The following UBN1 variants were observed in gnomAD, a reference collection of about 807,000 sequenced individuals.
The protein encoded by UBN1 is ubinuclein 1.
Under a neutral mutation model 108.5 loss-of-function variants are expected in UBN1, and 17 were observed. The ratio of observed to expected loss-of-function variants is 0.16; its 90% confidence interval spans 0.11 to 0.24. UBN1 has a LOEUF of 0.24. Ranked by LOEUF, UBN1 falls within the 10% of genes least tolerant of loss-of-function variation. The pLI, the probability that UBN1 is intolerant of heterozygous loss-of-function variation, is 1.00. For missense variants in UBN1, 1,595 were observed against 1,394.4 expected (o/e 1.14, Z -2.29); for synonymous variants, 726 against 564.2 (o/e 1.29, Z -4.07).
Position 4,874,766 on chromosome 16 carries a change from T to A in UBN1, c.2356T>A (p.Leu786Met), listed in dbSNP as rs765004815. Residue 786 changes from leucine to methionine, a missense_variant, in exon 15 of 18, where the codon TTG (leucine) becomes ATG (methionine). Physicochemically the swap from Leu to Met is conservative, Grantham distance 15. Coordinates refer to ENST00000262376, the MANE Select transcript of UBN1 (RefSeq NM_001079514.3). ...VHQSKAKHHSLPRTSHGPQVA... is the reference protein window; with the variant it reads ...VHQSKAKHHSMPRTSHGPQVA... ...TCAGTCCAAAGCTAAGCACCACAGC[T>A]TGCCACGGACGTCTCACGGGCCCCA... is the stretch of plus-strand genomic sequence containing the variant. 4.7e-5 allele frequency: 76 copies of A among 1,613,962 alleles called. No individual in the cohort carries two copies. The Middle Eastern group carries it at 6.6e-4, about 14-fold the overall frequency.
rs765392941 is a variant in UBN1, at chr16:4,874,302, G to T, written c.1892G>T (p.Gly631Val). Residue 631 changes from glycine (G) to valine (V), a missense_variant, in exon 15 of 18, where the codon GGC (glycine) becomes GTC (valine). Coordinates refer to ENST00000262376, the MANE Select transcript of UBN1 (RefSeq NM_001079514.3). ...TTGCCCTCAGATCACCAAACAGGAG[G>T]CCTGAGTATTGGGGCCTCGAGCAGG... ...IALPSDHQTG[G>V]LSIGASSREL... 6.2e-6 allele frequency: 10 copies of T among 1,614,008 alleles called. No individual in the cohort carries two copies. In the African/African-American group the frequency reaches 1.3e-4, roughly 22 times the overall value.
Position 4,868,975 on chromosome 16 carries a change from G to A in UBN1, c.1181+72G>A, listed in dbSNP as rs1010752759. 12 of 1,525,496 alleles carry A rather than the reference G, an allele frequency of 7.9e-6. No individual in the cohort carries two copies. In the South Asian group the frequency reaches 1.4e-4, roughly 18 times the overall value. 94.5% of individuals were successfully genotyped at this position (1,525,496 alleles called of 1,614,324 possible). Reference sequence around the variant, plus strand: ...CTGAGCTTGGGGCAAGCCAGCTAGGGGACAGTGGGAGTACAATTGAACTGC... The same window carrying A: ...CTGAGCTTGGGGCAAGCCAGCTAGGAGACAGTGGGAGTACAATTGAACTGC... On this transcript the variant is annotated intron_variant, in intron 8 of 17. Transcript: ENST00000262376.
chr16:4,871,088 A>T, intron 11 of UBN1, 67 bp from the exon 12 acceptor site: 2 of 1,606,222 alleles, frequency 1.2e-6, no homozygotes, highest in Non-Finnish European at 1.7e-6. Flanking sequence ...TGCTGAAAGC[A>T]CATGATTGGA....
At chr16:4,849,957 A>AAAAAAAAAC (rs1555509978) in intron 1 of UBN1, among the ~76,000 whole-genome samples, 1 of 147,388 alleles carries the variant, frequency 6.8e-6, no homozygotes, top group Non-Finnish European at 1.5e-5. Context: ...CACAAAAAAA[A>AAAAAAAAAC]AAAAAAAAAC....
chr16:4,872,888 C>T lies in UBN1; in HGVS notation c.1711C>T (p.Leu571=), dbSNP rs1596520579. ...WPKGWMQART[L]FKESRRGHGH... is the part of the protein sequence containing the mutation. ...CTGGTGTTCTGTGTCTTTCAGAACT[C>T]TGTTTAAGGAGAGCAGACGAGGCCA... Residue 571 remains leucine (L), a synonymous_variant, in exon 13 of 18, where the codon CTG becomes TTG. Coordinates refer to ENST00000262376, the MANE Select transcript of UBN1 (RefSeq NM_001079514.3). 1.9e-6 allele frequency: 3 copies of T among 1,614,218 alleles called. No homozygotes were observed. The highest frequency in any genetic ancestry group is 4.5e-5 in the East Asian group (2 of 44,890).
At position 4,880,708 on chromosome 16, in the gene UBN1, G is replaced by A. The variant is rs975051088; in HGVS notation, c.*576G>A. 5 of 152,802 alleles carry A rather than the reference G, an allele frequency of 3.3e-5. No homozygotes were observed. The highest frequency in any genetic ancestry group is 1.2e-4 in the African/African-American group (5 of 41,446). 9.5% of individuals were successfully genotyped at this position (152,802 alleles called of 1,614,324 possible). On this transcript the variant is annotated 3_prime_UTR_variant, in exon 18 of 18. Transcript: ENST00000262376. ...TCACTGTGGGGGCCAGTTTCTCCTC[G>A]GAACATGACAATGAAGCTCTTTTAG...
chr16:4,868,057 G>A (rs2087424081), intron 7 of UBN1, among the ~76,000 whole-genome samples: 1 of 152,146 alleles, frequency 6.6e-6, no homozygotes, highest in South Asian at 2.1e-4. Context: ...GATTTGAATG[G>A]CCTGAGTTGC....
At chr16:4,871,025 G>T in intron 11 of UBN1, 53 bp downstream of exon 11, 1 of 1,609,662 alleles carries the variant, frequency 6.2e-7, no homozygotes, top group South Asian at 1.1e-5. Context: ...GGCAGTGTCT[G>T]AGCACGTCCC....
chr16:4,876,746 C>A, intron 15 of UBN1, 125 bp from the exon 16 acceptor site: 1 of 1,453,826 alleles, frequency 6.9e-7, no homozygotes, highest in Non-Finnish European at 9.2e-7. Context: ...CCAGGGCCAT[C>A]TGACATGGAT....
chr16:4,863,742 T>G (rs1178885353), intron 7 of UBN1, among the ~76,000 whole-genome samples: 1 of 152,202 alleles, frequency 6.6e-6, no homozygotes, highest in Non-Finnish European at 1.5e-5. Context: ...AGCAGTTCGT[T>G]TCTCCTGACT....
Position 4,880,148 on chromosome 16 carries a change from G to A in UBN1, c.*16G>A, listed in dbSNP as rs772894261. 6.2e-7 allele frequency: 1 copy of A among 1,613,982 alleles called. No homozygotes were observed. The highest frequency in any genetic ancestry group is 8.5e-7 in the Non-Finnish European group (1 of 1,179,958). ...GAAATTGTGACCGCTTCAGAGGCAAGGCTTGCCACTTGGGTCTGGGTGGAA... is the reference window on the plus strand; with the variant it reads ...GAAATTGTGACCGCTTCAGAGGCAAAGCTTGCCACTTGGGTCTGGGTGGAA... On this transcript the variant is annotated 3_prime_UTR_variant, in exon 18 of 18. Coordinates refer to ENST00000262376, the MANE Select transcript of UBN1 (RefSeq NM_001079514.3).
intron 3 of UBN1, 21 bp downstream of exon 3, chr16:4,858,097 A>T: frequency 6.5e-7 from 1 of 1,536,070 alleles, no homozygotes; most frequent in East Asian, 2.2e-5. Context: ...TCTCTTGAAT[A>T]ACAAAACAAC....
In UBN1 at chr16:4,861,277, G is replaced by A. The variant is rs111979054; in HGVS notation, c.1110+175G>A. 6.3e-4 allele frequency among the ~76,000 whole-genome samples: 96 copies of A among 152,354 alleles called. 1 individual carries two copies. Among genetic ancestry groups the A allele is most frequent in the Middle Eastern group, 3.4e-3 (1 of 294 alleles). On this transcript the variant is annotated intron_variant, in intron 7 of 17. Coordinates refer to ENST00000262376, the MANE Select transcript of UBN1 (RefSeq NM_001079514.3). Reference sequence around the variant, plus strand: ...GGAGAAAACAGTGTAAGCCTTGCCCGTCAGGCATCATTTTAGGCCTTTCTT... The same window carrying A: ...GGAGAAAACAGTGTAAGCCTTGCCCATCAGGCATCATTTTAGGCCTTTCTT...
intron 7 of UBN1, among the ~76,000 whole-genome samples, chr16:4,867,350 T>G (rs2087384662): frequency 6.6e-6 from 1 of 152,222 alleles, no homozygotes; most frequent in South Asian, 2.1e-4. Context: ...CGCAGATGTT[T>G]TCTAACCAAA....
chr16:4,879,949 T>G (rs1596535385), intron 17 of UBN1, 134 bp from the exon 18 acceptor site: 1 of 920,248 alleles, frequency 1.1e-6, no homozygotes, highest in East Asian at 2.5e-5. Context: ...TCATGGCTTG[T>G]TTGAGCTCTA....
rs200039363 is a variant in UBN1, at chr16:4,878,935, C to T, written c.3356-1148C>T. Among the ~76,000 whole-genome samples the T allele has an allele frequency of 1.8e-4, 27 of 152,220 alleles. No homozygotes were observed. In the East Asian group the frequency reaches 3.7e-3, roughly 21 times the overall value. On this transcript the variant is annotated intron_variant, in intron 17 of 17. Coordinates refer to ENST00000262376, the MANE Select transcript of UBN1 (RefSeq NM_001079514.3). ...GCTGAGGCAGAAGGATCACTTGAGCCGAGGAGGTCGAGGCTGCAGCGAGCC... is the reference window on the plus strand; with the variant it reads ...GCTGAGGCAGAAGGATCACTTGAGCTGAGGAGGTCGAGGCTGCAGCGAGCC...
At chr16:4,869,633 G>A (rs1019112006) in intron 8 of UBN1, among the ~76,000 whole-genome samples, 7 of 152,222 alleles carry the variant, frequency 4.6e-5, no homozygotes, top group Non-Finnish European at 5.9e-5. Flanking sequence ...TTGGCCCCTT[G>A]GGTCAGGAAG....
At chr16:4,849,965 A>AAAAAAAAAAAAC (rs2086475092) in intron 1 of UBN1, among the ~76,000 whole-genome samples, 1 of 149,088 alleles carries the variant, frequency 6.7e-6, no homozygotes, top group South Asian at 2.1e-4. Flanking sequence ...AAAAAAAAAA[A>AAAAAAAAAAAAC]ACCACAAAAA....
At chr16:4,864,054 C>A (rs942804430) in intron 7 of UBN1, among the ~76,000 whole-genome samples, 2 of 147,850 alleles carry the variant, frequency 1.4e-5, no homozygotes, top group Admixed American at 6.9e-5. Context: ...ATCTGTGATC[C>A]TGGTTTGTTG....
Sources: allele counts gnomAD v4.1 joint callset (sites outside exome capture counted in the v4.1 genomes callset), GRCh38; gene constraint gnomAD v4.1.1; transcripts MANE v1.5; gene names NCBI Gene and HGNC (gene_info 2026-07-23, HGNC 2026-07-21).